TRHDE: variants seen among roughly 807,000 people sequenced by gnomAD.
TRHDE encodes thyrotropin releasing hormone degrading enzyme, also known as thyrotropin-releasing hormone-degrading ectoenzyme.
In TRHDE, 72 loss-of-function variants were observed where a neutral mutation model predicts 125.7. The ratio of observed to expected loss-of-function variants is 0.57; its 90% CI spans 0.47 to 0.70. The LOEUF (loss-of-function observed/expected upper bound fraction) is 0.70, where lower values mean the gene tolerates loss of function less well. TRHDE is among the 30% of genes least tolerant of loss of function. The pLI, the probability that TRHDE is intolerant of heterozygous loss-of-function variation, is 0.00. For missense variants in TRHDE, 1,110 were observed against 1,327.1 expected, an observed-to-expected ratio of 0.84 and a Z score of 2.54; for synonymous variants, 509 against 509.1, an observed-to-expected ratio of 1.00 and a Z score of 0.00.
chr12:72,108,498 G>C (rs1442012490), intron 2 of TRHDE, among the ~76,000 whole-genome samples: 1 of 152,052 alleles, frequency 6.6e-6, no homozygotes, highest in Admixed American at 6.6e-5. Flanking sequence ...GACAGATGCT[G>C]TTTATTTTTG....
At chr12:72,093,487 G>A (rs551732037) in intron 1 of TRHDE, among the ~76,000 whole-genome samples, 3 of 152,074 alleles carry the variant, frequency 2.0e-5, no homozygotes, top group South Asian at 4.1e-4. Context: ...TGTTCCATAG[G>A]TCCCTAAACT....
At chr12:72,560,930 A>G (rs1870148207) in intron 7 of TRHDE, among the ~76,000 whole-genome samples, 1 of 152,222 alleles carries the variant, frequency 6.6e-6, no homozygotes. Context: ...ATAATTTTGA[A>G]AGTTAAATCT....
Position 72,257,132 on chromosome 12 carries a change from T to A in TRHDE, n.280-120863T>A, listed in dbSNP as rs948604046. Reference sequence around the variant, plus strand: ...TATCCTTTCATTATTATTGGAGTGATTATGAGGAGAAAAGCACCAGGCTAT... The same window carrying A: ...TATCCTTTCATTATTATTGGAGTGAATATGAGGAGAAAAGCACCAGGCTAT... On this transcript the variant is annotated intron_variant and non_coding_transcript_variant, in intron 2 of 4. Coordinates refer to the TRHDE transcript ENST00000548156. 5 of 152,244 alleles carry A rather than the reference T, an allele frequency of 3.3e-5. No homozygotes were observed. The East Asian group carries it at 9.7e-4, about 29-fold the overall frequency. The allele number at this position is 152,244 out of a possible 1,614,324, so 9.4% of individuals were successfully genotyped here.
At chr12:72,363,092 T>A (rs1284100408) in intron 2 of TRHDE, among the ~76,000 whole-genome samples, 1 of 151,976 alleles carries the variant, frequency 6.6e-6, no homozygotes, top group Non-Finnish European at 1.5e-5. Flanking sequence ...GTTTTTCCAG[T>A]TCTGTGAAGA....
chr12:72,395,225 G>T (rs1320724863), intron 3 of TRHDE, among the ~76,000 whole-genome samples: 1 of 151,884 alleles, frequency 6.6e-6, no homozygotes, highest in Non-Finnish European at 1.5e-5. Flanking sequence ...GGTTACTGAT[G>T]AACCTGAAAC....
intron 3 of TRHDE, among the ~76,000 whole-genome samples, chr12:72,413,399 T>G (rs527968682): frequency 1.3e-5 from 2 of 151,942 alleles, no homozygotes; most frequent in African/African-American, 4.8e-5. Flanking sequence ...TGTATCTGGA[T>G]TTCTAAGATT....
intron 6 of TRHDE, among the ~76,000 whole-genome samples, chr12:72,541,498 C>A (rs1869146467): frequency 6.6e-6 from 1 of 151,348 alleles, no homozygotes; most frequent in African/African-American, 2.4e-5. Context: ...TTATATTGAT[C>A]TCATATGTTT....
At chr12:72,150,686 A>T (rs1876340165) in intron 2 of TRHDE, among the ~76,000 whole-genome samples, 1 of 151,576 alleles carries the variant, frequency 6.6e-6, no homozygotes, top group South Asian at 2.1e-4. Flanking sequence ...GCTGAGAATG[A>T]TGGTCTCCAG....
At chr12:72,567,595 C>T (rs1181075837) in intron 9 of TRHDE, among the ~76,000 whole-genome samples, 2 of 152,026 alleles carry the variant, frequency 1.3e-5, no homozygotes, top group East Asian at 1.9e-4. Context: ...GCATGTTTCC[C>T]GAACATTTTT....
At chr12:72,196,362 A>G (rs1352951610) in intron 2 of TRHDE, among the ~76,000 whole-genome samples, 1 of 152,132 alleles carries the variant, frequency 6.6e-6, no homozygotes, top group Non-Finnish European at 1.5e-5. Context: ...TGAGCATAGA[A>G]TGTTTTTTCA....
intron 15 of TRHDE, among the ~76,000 whole-genome samples, chr12:72,635,645 T>G (rs1384576949): frequency 2.0e-5 from 3 of 151,424 alleles, no homozygotes; most frequent in East Asian, 3.9e-4. Context: ...GGTCTAACGT[T>G]TAAGTCTTTA....
intron 3 of TRHDE, 35 bp downstream of exon 3, chr12:72,378,156 T>G: frequency 6.5e-7 from 1 of 1,531,856 alleles, no homozygotes; most frequent in South Asian, 1.3e-5. Context: ...TTGGAAGGGC[T>G]CCTTGAAAGT....
chr12:72,273,461 A>G lies in TRHDE; in HGVS notation c.818A>G (p.Gln273Arg), dbSNP rs187142374. Residue 273 changes from glutamine to arginine, a missense_variant, in exon 1 of 19, where the codon CAG becomes CGG. Around this residue, in one of 5 missense-constraint regions of TRHDE, gnomAD observed 252 missense variants for 274.8 expected, o/e 0.92. Transcript: ENST00000261180. The surrounding 1 kb of genome is among the most constrained non-coding windows in gnomAD (Gnocchi z 5.3). ...VVVLNRTLDA[Q>R]RNYNLKIIYN... ...GTGCTGAATAGGACACTGGACGCGCAGAGGAATTACAATCTGAAGATTATC... is the reference window on the plus strand; with the variant it reads ...GTGCTGAATAGGACACTGGACGCGCGGAGGAATTACAATCTGAAGATTATC... 25 of 1,613,978 alleles carry G rather than the reference A, an allele frequency of 1.5e-5. No individual in the cohort carries two copies. In the Admixed American group the frequency reaches 4.2e-4, roughly 27 times the overall value.
chr12:72,106,476 A>T lies in TRHDE; in HGVS notation n.279+724A>T, dbSNP rs192705830. Among the ~76,000 whole-genome samples the T allele has an allele frequency of 2.2e-3, 335 of 152,276 alleles. 3 individuals carry two copies. The highest frequency in any genetic ancestry group is 7.8e-3 in the African/African-American group (324 of 41,578). The stretch of plus-strand genomic sequence containing the variant: ...AGAAAGACAACGAATGAGATTATAT[A>T]TGTATAAGAAACTAGCACAGACTGG... On this transcript the variant is annotated intron_variant and non_coding_transcript_variant, in intron 2 of 4. Transcript: ENST00000548156.
intron 3 of TRHDE, among the ~76,000 whole-genome samples, chr12:72,469,200 AT>A (rs201882605): frequency 6.6e-6 from 1 of 151,888 alleles, no homozygotes; most frequent in African/African-American, 2.4e-5. Context: ...CCTCAATAAT[AT>A]TTTTTTTCCA....
intron 2 of TRHDE, among the ~76,000 whole-genome samples, chr12:72,166,100 G>A (rs1360209014): frequency 6.6e-6 from 1 of 152,008 alleles, no homozygotes; most frequent in Non-Finnish European, 1.5e-5. Context: ...ATTGTTCCTA[G>A]GCTACAAACC....
At chr12:72,462,908 T>A (rs879697819) in intron 3 of TRHDE, among the ~76,000 whole-genome samples, 3 of 152,162 alleles carry the variant, frequency 2.0e-5, no homozygotes, top group Non-Finnish European at 4.4e-5. Flanking sequence ...AGTCTCCTTC[T>A]CTGCTGGAAC....
chr12:72,651,528 CT>C (rs1874505900), intron 15 of TRHDE, among the ~76,000 whole-genome samples: 1 of 151,318 alleles, frequency 6.6e-6, no homozygotes, highest in Non-Finnish European at 1.5e-5. Flanking sequence ...AATTTTGAAA[CT>C]TTAAAAAAAA....
chr12:72,248,484 A>G (rs554449457), intron 2 of TRHDE, among the ~76,000 whole-genome samples: 1 of 114,212 alleles, frequency 8.8e-6, no homozygotes, highest in Non-Finnish European at 1.9e-5. Flanking sequence ...TTTTAAAAAG[A>G]ATCAATATTA....
Sources: gnomAD v4.1 joint callset for allele counts (sites outside exome capture counted in the v4.1 genomes callset) on GRCh38, gnomAD v4.1.1 for gene constraint, gnomAD v4.1.1 regional missense constraint, Gnocchi (gnomAD v3.1) non-coding constraint, MANE v1.5 for transcripts, NCBI Gene and HGNC (gene_info 2026-07-23, HGNC 2026-07-21) for gene names.